Variants in SHROOM3 observed in about 807,000 individuals in gnomAD.
SHROOM3 encodes the protein shroom family member 3.
SHROOM3 carries 47 observed loss-of-function variants against 138.6 expected under a neutral mutation model. That is an observed-to-expected ratio of 0.34 (90% CI 0.27 to 0.43). SHROOM3 has a LOEUF of 0.43. SHROOM3 is among the 20% of genes least tolerant of loss of function. SHROOM3 has a pLI of 1.00. For synonymous variants in SHROOM3, 1,062 were observed against 1,063.3 expected, an observed-to-expected ratio of 1.00 and a Z score of 0.02; for missense variants, 2,491 against 2,596.5, an observed-to-expected ratio of 0.96 and a Z score of 0.88.
At chr4:76,602,283 A>T (rs1408330399) in intron 2 of SHROOM3, among the ~76,000 whole-genome samples, 2 of 152,220 alleles carry the variant, frequency 1.3e-5, no homozygotes, top group African/African-American at 2.4e-5. Context: ...AACTAAAAAA[A>T]AATTACAAAG....
intron 2 of SHROOM3, among the ~76,000 whole-genome samples, chr4:76,649,055 G>T (rs1289326497): frequency 6.6e-6 from 1 of 152,140 alleles, no homozygotes; most frequent in Non-Finnish European, 1.5e-5. Flanking sequence ...ATAAGAGTAG[G>T]TATATGTAAT....
intron 1 of SHROOM3, among the ~76,000 whole-genome samples, chr4:76,539,930 T>C (rs4621452): frequency 0.75 from 114,780 of 152,188 alleles, 44,168 homozygotes; most frequent in East Asian, 0.94. Context: ...TCACTGCAAC[T>C]TCCATCTTCC....
intron 2 of SHROOM3, among the ~76,000 whole-genome samples, chr4:76,602,388 A>C (rs1734524458): frequency 6.6e-6 from 1 of 152,196 alleles, no homozygotes; most frequent in Admixed American, 6.5e-5. Flanking sequence ...TATAAAGTTA[A>C]GTCCACATTT....
chr4:76,533,578 G>A (rs1732876876), intron 1 of SHROOM3, among the ~76,000 whole-genome samples: 1 of 152,174 alleles, frequency 6.6e-6, no homozygotes, highest in Non-Finnish European at 1.5e-5. Flanking sequence ...TATTAGACAT[G>A]ACCTTAGAGA....
chr4:76,552,756 G>A (rs1733392284), intron 1 of SHROOM3, among the ~76,000 whole-genome samples: 1 of 151,704 alleles, frequency 6.6e-6, no homozygotes. Context: ...ACCTATTGAA[G>A]GTTTTTGAAC....
chr4:76,763,580 A>G (rs1205427722), intron 9 of SHROOM3, among the ~76,000 whole-genome samples: 1 of 152,056 alleles, frequency 6.6e-6, no homozygotes, highest in Non-Finnish European at 1.5e-5. Flanking sequence ...AGAAAAAAAA[A>G]TTACCAAATT....
chr4:76,608,241 C>A (rs959701838), intron 2 of SHROOM3, among the ~76,000 whole-genome samples: 1 of 152,192 alleles, frequency 6.6e-6, no homozygotes, highest in Non-Finnish European at 1.5e-5. Context: ...TTTTAGCTCT[C>A]GAGGGAGCGC....
In SHROOM3 at chr4:76,686,773, A is replaced by G. The variant is rs533119344; in HGVS notation, c.324-23383A>G. 2.0e-5 allele frequency among the ~76,000 whole-genome samples: 3 copies of G among 152,258 alleles called. No individual in the cohort carries two copies. The South Asian group carries it at 6.2e-4, about 32-fold the overall frequency. Reference sequence around the variant, plus strand: ...GTTATTATATTTATCTTTCACTGACAGTTGGATTTGTAGGTTGAAATGTTT... The same window carrying G: ...GTTATTATATTTATCTTTCACTGACGGTTGGATTTGTAGGTTGAAATGTTT... On this transcript the variant is annotated intron_variant, in intron 2 of 10. Coordinates refer to ENST00000296043, the MANE Select transcript of SHROOM3 (RefSeq NM_020859.4).
At chr4:76,441,658 G>T (rs774967196) in intron 1 of SHROOM3, among the ~76,000 whole-genome samples, 1 of 151,802 alleles carries the variant, frequency 6.6e-6, no homozygotes, top group African/African-American at 2.4e-5. Context: ...ATCTATCTTT[G>T]TCCTGCCTTT....
chr4:76,482,731 G>A (rs1270242032), intron 1 of SHROOM3, among the ~76,000 whole-genome samples: 5 of 152,130 alleles, frequency 3.3e-5, no homozygotes, highest in Admixed American at 1.3e-4. Flanking sequence ...GAGGCATCAC[G>A]CTACCTAACT....
intron 1 of SHROOM3, among the ~76,000 whole-genome samples, chr4:76,438,923 A>G (rs1446111485): frequency 6.6e-6 from 1 of 152,196 alleles, no homozygotes; most frequent in African/African-American, 2.4e-5. Flanking sequence ...CAAAAGACCA[A>G]ACAGAACCAA....
intron 1 of SHROOM3, among the ~76,000 whole-genome samples, chr4:76,462,432 A>G (rs1731158825): frequency 6.6e-6 from 1 of 152,106 alleles, no homozygotes; most frequent in South Asian, 2.1e-4. Flanking sequence ...TATAGAAATA[A>G]CTATAGGGTA....
At chr4:76,641,982 G>T (rs1735684054) in intron 2 of SHROOM3, among the ~76,000 whole-genome samples, 1 of 152,264 alleles carries the variant, frequency 6.6e-6, no homozygotes, top group Admixed American at 6.5e-5. Context: ...AAATATTTCA[G>T]ATCCAGCTCC....
At chr4:76,436,522 G>A (rs935518155) in intron 1 of SHROOM3, among the ~76,000 whole-genome samples, 12 of 152,106 alleles carry the variant, frequency 7.9e-5, no homozygotes, top group African/African-American at 2.9e-4. Context: ...TCAGATTAAA[G>A]ATTAATAACA....
chr4:76,645,017 A>G (rs774167990), intron 2 of SHROOM3, among the ~76,000 whole-genome samples: 2 of 152,206 alleles, frequency 1.3e-5, no homozygotes, highest in African/African-American at 2.4e-5. Context: ...GAGATTAAGT[A>G]ATTTACTTGC....
chr4:76,701,239 C>T (rs1486364110), intron 2 of SHROOM3, among the ~76,000 whole-genome samples: 1 of 152,184 alleles, frequency 6.6e-6, no homozygotes, highest in Non-Finnish European at 1.5e-5. Context: ...AGAGGGGTCT[C>T]ATCTGAATTT....
chr4:76,694,850 A>G (rs112789351), intron 2 of SHROOM3, among the ~76,000 whole-genome samples: 30 of 152,130 alleles, frequency 2.0e-4, no homozygotes, highest in Non-Finnish European at 8.8e-5. Flanking sequence ...TATCTTCCTC[A>G]CACTCCTATG....
At chr4:76,653,064 C>T (rs561995446) in intron 2 of SHROOM3, among the ~76,000 whole-genome samples, 18 of 152,104 alleles carry the variant, frequency 1.2e-4, no homozygotes, top group African/African-American at 4.1e-4. Context: ...GAACTGATCT[C>T]CCTTAAGTCT....
chr4:76,553,495 C>T (rs1234918390), intron 1 of SHROOM3, among the ~76,000 whole-genome samples: 2 of 151,866 alleles, frequency 1.3e-5, no homozygotes, highest in African/African-American at 2.4e-5. Context: ...AGGCTGGTCT[C>T]GAACTCCTGA....
Sources: allele counts gnomAD v4.1 joint callset (sites outside exome capture counted in the v4.1 genomes callset), GRCh38; gene constraint gnomAD v4.1.1; transcripts MANE v1.5; gene names NCBI Gene and HGNC (gene_info 2026-07-23, HGNC 2026-07-21).